H2BC5: variants seen among roughly 807,000 people sequenced by gnomAD.
H2BC5 encodes the protein histone H2B type 1-D.
H2BC5 carries 9 observed loss-of-function variants against 5.7 expected under a neutral mutation model. That is an observed-to-expected ratio of 1.57 (90% CI 0.95 to 2.74). H2BC5 has a LOEUF of 2.74. Ranked by LOEUF, H2BC5 falls within the 30% of genes most tolerant of loss-of-function variation. The pLI is 0.00. For missense variants in H2BC5, 175 were observed against 168.8 expected, an observed-to-expected ratio of 1.04 and a Z score of -0.20; for synonymous variants, 133 against 70.9, an observed-to-expected ratio of 1.88 and a Z score of -4.40.
At chr6:26,158,614 C>A (rs942525963), downstream of H2BC5, 13 of 1,587,222 alleles carry the variant, frequency 8.2e-6, no homozygotes, top group African/African-American at 1.4e-5. Flanking sequence ...CGCATGTTTT[C>A]AATAAATGAG....
At chr6:26,158,963 T>TCCA (rs745895615), downstream of H2BC5, among the ~76,000 whole-genome samples, 2 of 152,216 alleles carry the variant, frequency 1.3e-5, no homozygotes, top group Non-Finnish European at 2.9e-5. Flanking sequence ...TGGAGCTTTC[T>TCCA]CCACCACCAC....
downstream of H2BC5, among the ~76,000 whole-genome samples, chr6:26,162,163 CTG>C (rs1225987551): frequency 6.6e-6 from 1 of 152,136 alleles, no homozygotes; most frequent in African/African-American, 2.4e-5. Flanking sequence ...CACTAAAGCA[CTG>C]TTTGAAATTC....
At chr6:26,171,251 T>C (rs920158331) in exon 2 of H2BC5, 3 of 152,194 alleles carry the variant, frequency 2.0e-5, no homozygotes, top group African/African-American at 7.2e-5. Flanking sequence ...ATTCATTACT[T>C]GCCATGGACT....
intron 1 of H2BC5, among the ~76,000 whole-genome samples, chr6:26,165,730 A>G (rs1376921869): frequency 1.3e-5 from 2 of 152,104 alleles, no homozygotes; most frequent in African/African-American, 4.8e-5. Flanking sequence ...GAAAGTTGCC[A>G]TTCTCCTCCT....
chr6:26,158,477 T>G lies in H2BC5; in HGVS notation c.308T>G (p.Leu103Arg). 6.2e-7 allele frequency: 1 copy of G among 1,614,252 alleles called. No individual in the cohort carries two copies. The highest frequency in any genetic ancestry group is 8.5e-7 in the Non-Finnish European group (1 of 1,180,046). ...ATCCAGACGGCCGTGCGCCTGCTGCTTCCGGGGGAGCTGGCCAAGCACGCC... is the reference window on the plus strand; with the variant it reads ...ATCCAGACGGCCGTGCGCCTGCTGCGTCCGGGGGAGCTGGCCAAGCACGCC... ...REIQTAVRLL[L>R]PGELAKHAVS... Residue 103 changes from leucine (L) to arginine (R), a missense_variant, in exon 1 of 1, where the codon CTT becomes CGT. Coordinates refer to ENST00000377777, the MANE Select transcript of H2BC5 (RefSeq NM_021063.4).
In H2BC5 at chr6:26,158,288, T is replaced by C. The variant is rs371276778; in HGVS notation, c.119T>C (p.Val40Ala). The C allele has an allele frequency of 6.2e-7, 1 of 1,614,220 alleles. No homozygotes were observed. The highest frequency in any genetic ancestry group is 8.5e-7 in the Non-Finnish European group (1 of 1,180,036). ...CGCAGCCGCAAGGAGAGCTATTCAGTGTATGTGTACAAGGTGCTGAAGCAG... is the reference window on the plus strand; with the variant it reads ...CGCAGCCGCAAGGAGAGCTATTCAGCGTATGTGTACAAGGTGCTGAAGCAG... ...RKRSRKESYS[V>A]YVYKVLKQVH... The change falls in exon 1 of 1, where the codon GTG (valine) becomes GCG (alanine). Residue 40 changes from valine (V) to alanine (A), a missense_variant. Physicochemically the swap from Val to Ala is moderately conservative, Grantham distance 64 (BLOSUM62 0). Transcript: ENST00000377777.
At chr6:26,170,649 C>A (rs993114189) in intron 1 of H2BC5, among the ~76,000 whole-genome samples, 1 of 152,136 alleles carries the variant, frequency 6.6e-6, no homozygotes, top group African/African-American at 2.4e-5. Context: ...TTCCTTTTCA[C>A]TGAGTTAAAA....
At chr6:26,159,853 A>G (rs1020919764), downstream of H2BC5, among the ~76,000 whole-genome samples, 106 of 152,320 alleles carry the variant, frequency 7.0e-4, no homozygotes, top group Middle Eastern at 3.4e-3. Flanking sequence ...TAAATTCTTA[A>G]AAGTAAGAAA....
Position 26,158,305 on chromosome 6 carries a change from C to T in H2BC5, c.136C>T (p.Leu46=), listed in dbSNP as rs148370828. The change falls in exon 1 of 1, where the codon CTG becomes TTG. Residue 46 remains leucine (L), a synonymous_variant. Coordinates refer to ENST00000377777, the MANE Select transcript of H2BC5 (RefSeq NM_021063.4). ...CTATTCAGTGTATGTGTACAAGGTG[C>T]TGAAGCAGGTCCATCCCGACACCGG... is the stretch of plus-strand genomic sequence containing the variant. ...ESYSVYVYKV[L]KQVHPDTGIS... is the part of the protein sequence containing the mutation. 1.9e-6 allele frequency: 3 copies of T among 1,614,134 alleles called. No individual in the cohort carries two copies. The African/African-American group carries it at 4.0e-5, about 22-fold the overall frequency.
chr6:26,167,989 C>CA (rs201344666), intron 1 of H2BC5, among the ~76,000 whole-genome samples: 16 of 147,676 alleles, frequency 1.1e-4, no homozygotes, highest in African/African-American at 3.7e-4. Flanking sequence ...TTTAAAAGGA[C>CA]AAAAAAAAAG....
chr6:26,166,675 G>T (rs1764434718), intron 1 of H2BC5, among the ~76,000 whole-genome samples: 1 of 148,126 alleles, frequency 6.8e-6, no homozygotes, highest in African/African-American at 2.5e-5. Flanking sequence ...GGCACGAGCA[G>T]AGGGGGATAC....
intron 1 of H2BC5, among the ~76,000 whole-genome samples, chr6:26,167,769 T>C (rs1034664161): frequency 1.3e-5 from 2 of 151,970 alleles, no homozygotes; most frequent in Non-Finnish European, 2.9e-5. Context: ...AGATAAGAAC[T>C]CAGAGCTATT....
chr6:26,166,948 G>A (rs1009165873), intron 1 of H2BC5, among the ~76,000 whole-genome samples: 23 of 151,172 alleles, frequency 1.5e-4, no homozygotes, highest in African/African-American at 4.1e-4. Flanking sequence ...TGATCTGCCC[G>A]CCTAGCCCTC....
rs762341975 is a variant in H2BC5, at chr6:26,158,579, A to T, written c.*29A>T. The T allele has an allele frequency of 4.4e-6, 7 of 1,608,822 alleles. No individual in the cohort carries two copies. The South Asian group carries it at 6.6e-5, about 15-fold the overall frequency. On this transcript the variant is annotated 3_prime_UTR_variant, in exon 1 of 1. Coordinates refer to ENST00000377777, the MANE Select transcript of H2BC5 (RefSeq NM_021063.4). Reference sequence around the variant, plus strand: ...TGCCAAGTAAGCATCTTTACACCTAATCCCAAAGGCTCTTTTAAGAGCCAC... The same window carrying T: ...TGCCAAGTAAGCATCTTTACACCTATTCCCAAAGGCTCTTTTAAGAGCCAC...
chr6:26,159,243 GTTTTTTTTTTTTTTTT>G (rs35999697), downstream of H2BC5, among the ~76,000 whole-genome samples: 1 of 61,402 alleles, frequency 1.6e-5, no homozygotes, highest in African/African-American at 5.5e-5. Flanking sequence ...TAATTTATAG[GTTTTTTTTTTTTTTTT>G]TTTTTTTTTT....
chr6:26,166,391 C>A lies in H2BC5; in HGVS notation c.*10-4584C>A, dbSNP rs987671202. ...TGCCTGCTCTGCATCATACCAGATACTGGCCTCCTGGACCCCCTCCTCCTT... is the reference window on the plus strand; with the variant it reads ...TGCCTGCTCTGCATCATACCAGATAATGGCCTCCTGGACCCCCTCCTCCTT... On this transcript the variant is annotated intron_variant, in intron 1 of 1. Coordinates refer to the H2BC5 transcript ENST00000289316. Among the ~76,000 whole-genome samples the A allele has an allele frequency of 2.0e-5, 3 of 152,200 alleles. No homozygotes were observed. The East Asian group carries it at 5.8e-4, about 29-fold the overall frequency.
At chr6:26,168,460 T>A (rs59467460) in intron 1 of H2BC5, among the ~76,000 whole-genome samples, 6,610 of 143,436 alleles carry the variant, frequency 0.046, 228 homozygotes, top group South Asian at 0.081. Flanking sequence ...CTCCATTTTT[T>A]AAAAAAAAAA....
downstream of H2BC5, among the ~76,000 whole-genome samples, chr6:26,159,241 A>C (rs1460442032): frequency 1.3e-5 from 1 of 79,922 alleles, no homozygotes; most frequent in Non-Finnish European, 2.5e-5. Context: ...TTTAATTTAT[A>C]GGTTTTTTTT....
chr6:26,170,070 C>G (rs868316213), intron 1 of H2BC5, among the ~76,000 whole-genome samples: 1 of 152,074 alleles, frequency 6.6e-6, no homozygotes, highest in Non-Finnish European at 1.5e-5. Flanking sequence ...TAATACCTGT[C>G]AAATAATAAC....
Sources: allele counts gnomAD v4.1 joint callset (sites outside exome capture counted in the v4.1 genomes callset), GRCh38; gene constraint gnomAD v4.1.1; transcripts MANE v1.5; gene names NCBI Gene and HGNC (gene_info 2026-07-23, HGNC 2026-07-21).